The following EML6 variants were observed in gnomAD, a reference collection of about 807,000 sequenced individuals.
EML6 encodes echinoderm microtubule-associated protein-like 6.
A neutral mutation model predicts 240.1 loss-of-function variants in EML6; 154 were observed. The ratio of observed to expected loss-of-function variants is 0.64; its 90% CI spans 0.56 to 0.73. EML6 has a LOEUF of 0.73. Among genes scored for constraint, EML6 ranks in the 30% least tolerant of loss-of-function variants. EML6 has a pLI of 0.00. For synonymous variants in EML6, 1,148 were observed against 899.0 expected (o/e 1.28, Z -4.95); for missense variants, 2,964 against 2,474.6 (o/e 1.20, Z -4.20).
At chr2:54,946,818 C>T (rs1368649201) in intron 28 of EML6, among the ~76,000 whole-genome samples, 1 of 151,992 alleles carries the variant, frequency 6.6e-6, no homozygotes, top group African/African-American at 2.4e-5. Context: ...TCCCCTTGCT[C>T]CTCTCATCTT....
In EML6 at chr2:54,912,600, T is replaced by A. The variant is rs184422012; in HGVS notation, c.3498+1558T>A. ...CCCAGGAATCCCCAGTATCTGTTGT[T>A]CCCACCTTCCTGTCTGTGTGTACCC... is the stretch of plus-strand genomic sequence containing the variant. On this transcript the variant is annotated intron_variant, in intron 25 of 41. Transcript: ENST00000356458. Among the ~76,000 whole-genome samples, 89 of 152,292 alleles carry A rather than the reference T, an allele frequency of 5.8e-4. No individual in the cohort carries two copies. The East Asian group carries it at 0.016, about 27-fold the overall frequency.
chr2:54,841,671 G>C (rs1253382396), intron 7 of EML6, among the ~76,000 whole-genome samples: 2 of 145,882 alleles, frequency 1.4e-5, no homozygotes, highest in Non-Finnish European at 3.0e-5. Context: ...CTCACTGCAA[G>C]TCCCTCCGCC....
intron 26 of EML6, among the ~76,000 whole-genome samples, chr2:54,917,881 G>C (rs1010788865): frequency 2.0e-5 from 3 of 152,038 alleles, no homozygotes; most frequent in Non-Finnish European, 4.4e-5. Context: ...TCCTTCAACT[G>C]TCTAGTCTAG....
In EML6 at chr2:54,725,443, G is replaced by T. The variant is rs1682868782; in HGVS notation, c.197+185G>T. Among the ~76,000 whole-genome samples the T allele has an allele frequency of 6.6e-6, 1 of 152,118 alleles. No individual in the cohort carries two copies. On this transcript the variant is annotated intron_variant, in intron 2 of 41. Coordinates refer to ENST00000356458, the MANE Select transcript of EML6 (RefSeq NM_001039753.4). The surrounding 1 kb of genome is among the most constrained non-coding windows in gnomAD (Gnocchi z 4.3). ...CAGAAACAGTGTGGGGAGTGTAGGT[G>T]AGGAGGGAGAGATGTCTTTTCGCTG...
intron 2 of EML6, among the ~76,000 whole-genome samples, chr2:54,808,952 A>G (rs1227335331): frequency 1.3e-5 from 2 of 152,232 alleles, no homozygotes; most frequent in Non-Finnish European, 2.9e-5. Flanking sequence ...GGATTTCCCA[A>G]CAGAACTAGG....
rs1251066377 is a variant in EML6, at chr2:54,916,773, G to A, written c.3513G>A (p.Glu1171=). The A allele has an allele frequency of 1.3e-6, 2 of 1,521,026 alleles. No homozygotes were observed. Among genetic ancestry groups the A allele is most frequent in the East Asian group, 2.5e-5 (1 of 40,372 alleles). The allele number at this position is 1,521,026 out of a possible 1,614,324, so 94.2% of individuals were successfully genotyped here. A position where few individuals can be genotyped will look rare whatever the true frequency, so the allele number is the denominator to read the frequency against. ...TTCTTTTTCAGATCGAGAAGATAGA[G>A]TGGGACACATGGACCTGTGTCCTGG... is the stretch of plus-strand genomic sequence containing the variant. ...IIRPSEIEKI[E]WDTWTCVLGP... is the part of the protein sequence containing the mutation. The change falls in exon 26 of 42, where the codon GAG becomes GAA. Residue 1171 remains glutamate (E), a synonymous_variant. Transcript: ENST00000356458.
chr2:54,760,411 G>C lies in EML6; in HGVS notation c.197+35153G>C, dbSNP rs566974724. 4.6e-5 allele frequency among the ~76,000 whole-genome samples: 7 copies of C among 152,130 alleles called. No individual in the cohort carries two copies. The South Asian group carries it at 1.0e-3, about 23-fold the overall frequency. ...CTTTACATAAATTCCCCTATTGACA[G>C]ACTTCTAGGTTCTTTTGCTTTTCAA... On this transcript the variant is annotated intron_variant, in intron 2 of 41. Coordinates refer to ENST00000356458, the MANE Select transcript of EML6 (RefSeq NM_001039753.4).
At chr2:54,850,267 C>G in intron 10 of EML6, 49 bp downstream of exon 10, 1 of 1,510,472 alleles carries the variant, frequency 6.6e-7, no homozygotes, top group South Asian at 1.2e-5. Flanking sequence ...AAATTTTGAA[C>G]CAGGTGAAGG....
chr2:54,725,333 G>A lies in EML6; in HGVS notation c.197+75G>A, dbSNP rs950719499. The A allele has an allele frequency of 2.6e-6, 3 of 1,170,542 alleles. No homozygotes were observed. Among genetic ancestry groups the A allele is most frequent in the African/African-American group, 1.6e-5 (1 of 61,846 alleles). 72.5% of individuals were successfully genotyped at this position (1,170,542 alleles called of 1,614,324 possible). Reference sequence around the variant, plus strand: ...GAAGGTGGGAAGCGGTTGACCTGGGGTCGGATCCGGGAGCCCCGTGGAATA... The same window carrying A: ...GAAGGTGGGAAGCGGTTGACCTGGGATCGGATCCGGGAGCCCCGTGGAATA... On this transcript the variant is annotated intron_variant, in intron 2 of 41. Transcript: ENST00000356458. The surrounding 1 kb of genome is among the most constrained non-coding windows in gnomAD (Gnocchi z 4.3).
chr2:54,967,205 G>A (rs941749864), intron 39 of EML6, 102 bp downstream of exon 39: 7 of 748,444 alleles, frequency 9.4e-6, no homozygotes. Context: ...AAGAAGCTGA[G>A]AAATGGAGCT....
intron 7 of EML6, among the ~76,000 whole-genome samples, chr2:54,830,603 T>C (rs2033823): frequency 0.081 from 12,401 of 152,218 alleles, 615 homozygotes; most frequent in Admixed American, 0.12. Context: ...GGCCAGATCA[T>C]GTGGCAGTGC....
At chr2:54,899,514 A>T in intron 21 of EML6, 127 bp from the exon 22 acceptor site, 1 of 936,706 alleles carries the variant, frequency 1.1e-6, no homozygotes, top group Non-Finnish European at 1.5e-6. Context: ...AAGGAAGCTC[A>T]AAGTGTGTTT....
chr2:54,796,442 AT>A (rs965042671), intron 2 of EML6, among the ~76,000 whole-genome samples: 4 of 151,348 alleles, frequency 2.6e-5, no homozygotes, highest in African/African-American at 9.7e-5. Flanking sequence ...TAACCTGTGC[AT>A]TTTTTTTGAA....
intron 8 of EML6, among the ~76,000 whole-genome samples, chr2:54,844,942 T>C (rs1669668312): frequency 6.6e-6 from 1 of 152,214 alleles, no homozygotes; most frequent in Non-Finnish European, 1.5e-5. Flanking sequence ...AGTATTTTAT[T>C]ACTTAGTGCT....
intron 10 of EML6, among the ~76,000 whole-genome samples, chr2:54,850,792 G>A (rs1670036508): frequency 6.6e-6 from 1 of 152,208 alleles, no homozygotes; most frequent in Admixed American, 6.5e-5. Flanking sequence ...GTGACACAAT[G>A]CCTAAATGTT....
intron 26 of EML6, among the ~76,000 whole-genome samples, chr2:54,924,227 C>T (rs1024360520): frequency 6.6e-6 from 1 of 152,066 alleles, no homozygotes; most frequent in Admixed American, 6.5e-5. Flanking sequence ...ATATTCCCAC[C>T]AAAAATGTAA....
rs115468040 is a variant in EML6, at chr2:54,857,203, G to C, written c.1658-2331G>C. ...GTTAGGGGCCCGTACTGGGCATCCG[G>C]GTGGACGTGGCACAGAGCTGTCAGT... On this transcript the variant is annotated intron_variant, in intron 11 of 41. Coordinates refer to ENST00000356458, the MANE Select transcript of EML6 (RefSeq NM_001039753.4). Among the ~76,000 whole-genome samples, 425 of 152,320 alleles carry C rather than the reference G, an allele frequency of 2.8e-3. 3 individuals are homozygous for C. Among genetic ancestry groups the C allele is most frequent in the African/African-American group, 9.9e-3 (413 of 41,574 alleles).
In EML6 at chr2:54,911,312, T is replaced by C. The variant is rs150569498; in HGVS notation, c.3498+270T>C. On this transcript the variant is annotated intron_variant, in intron 25 of 41. Transcript: ENST00000356458. ...GAATAAGCTAGCAATTTGGATGTTATATATTCCTTTTTCCATTTGACATGT... is the reference window on the plus strand; with the variant it reads ...GAATAAGCTAGCAATTTGGATGTTACATATTCCTTTTTCCATTTGACATGT... Among the ~76,000 whole-genome samples, 421 of 152,362 alleles carry C rather than the reference T, an allele frequency of 2.8e-3. 4 individuals are homozygous for C. The highest frequency in any genetic ancestry group is 7.7e-3 in the African/African-American group (319 of 41,590).
In EML6 at chr2:54,952,688, G is replaced by C. The variant is rs1464166706; in HGVS notation, c.4308G>C (p.Gln1436His). 12 of 1,549,478 alleles carry C rather than the reference G, an allele frequency of 7.7e-6. No individual in the cohort carries two copies. The highest frequency in any genetic ancestry group is 3.6e-5 in the South Asian group (3 of 84,012). Residue 1436 changes from glutamine (Q) to histidine (H), a missense_variant, in exon 31 of 42, where the codon CAG becomes CAC. Gln to His is a conservative substitution (Grantham distance 24, BLOSUM62 0). Transcript: ENST00000356458. The stretch of plus-strand genomic sequence containing the variant: ...ACAGAAACGTGGTGGCCACCAGCCA[G>C]ATAGGTAGGAGGTCCTGTGGCAGCT... ...PKYRNVVATSQIGTTPSIHIW... is the reference protein window; with the variant it reads ...PKYRNVVATSHIGTTPSIHIW...
Sources: gnomAD v4.1 joint callset for allele counts (sites outside exome capture counted in the v4.1 genomes callset) on GRCh38, gnomAD v4.1.1 for gene constraint, Gnocchi (gnomAD v3.1) non-coding constraint, MANE v1.5 for transcripts, NCBI Gene and HGNC (gene_info 2026-07-23, HGNC 2026-07-21) for gene names.